MAMDC2: variants seen among roughly 807,000 people sequenced by gnomAD.
MAMDC2 encodes the protein MAM domain-containing protein 2.
In MAMDC2, 57 loss-of-function variants were observed where a neutral mutation model predicts 89.8. The observed-to-expected ratio is 0.63, with a 90% confidence interval of 0.51 to 0.79. The LOEUF is 0.79. MAMDC2 is among the 30% of genes least tolerant of loss of function. The pLI is 0.00. For synonymous variants in MAMDC2, 313 were observed against 293.4 expected (o/e 1.07, Z -0.68); for missense variants, 800 against 820.6 (o/e 0.97, Z 0.31).
intron 11 of MAMDC2, among the ~76,000 whole-genome samples, chr9:70,199,517 G>T (rs1205612824): frequency 6.8e-6 from 1 of 147,794 alleles, no homozygotes; most frequent in African/African-American, 2.5e-5. Flanking sequence ...ACATACGTGT[G>T]CATGTGTCTT....
At chr9:70,093,080 T>A (rs1400723915) in intron 2 of MAMDC2, among the ~76,000 whole-genome samples, 1 of 152,062 alleles carries the variant, frequency 6.6e-6, no homozygotes, top group East Asian at 1.9e-4. Context: ...TGTATATATG[T>A]GTGTGTGTAT....
At chr9:70,190,234 T>G (rs987514427) in intron 11 of MAMDC2, among the ~76,000 whole-genome samples, 2 of 152,202 alleles carry the variant, frequency 1.3e-5, no homozygotes, top group Non-Finnish European at 2.9e-5. Flanking sequence ...ATAGTTTTTT[T>G]GTTATTGCTG....
chr9:70,124,728 A>T (rs920350189), intron 5 of MAMDC2, among the ~76,000 whole-genome samples: 2 of 152,116 alleles, frequency 1.3e-5, no homozygotes, highest in Non-Finnish European at 2.9e-5. Context: ...TTTTTTGGAG[A>T]CAGGGTCTTG....
At chr9:70,194,109 A>T (rs2032933840) in intron 11 of MAMDC2, 1 of 152,130 alleles carries the variant, frequency 6.6e-6, no homozygotes, top group African/African-American at 2.4e-5. Context: ...GATGCAATAA[A>T]CCTTTCCAAA....
intron 2 of MAMDC2, among the ~76,000 whole-genome samples, chr9:70,089,964 G>A (rs568673368): frequency 7.2e-5 from 11 of 152,088 alleles, no homozygotes; most frequent in Non-Finnish European, 1.6e-4. Flanking sequence ...AACTCATTAA[G>A]TTCTGCATTG....
chr9:70,221,380 T>TATATATATAGAGAGAGAGAGAGAG, intron 12 of MAMDC2, among the ~76,000 whole-genome samples: 4 of 7,042 alleles, frequency 5.7e-4, no homozygotes, highest in African/African-American at 8.7e-4. Flanking sequence ...TATATATATA[T>TATATATATAGAGAGAGAGAGAGAG]AGAGAGAGAG....
Position 70,170,817 on chromosome 9 carries a change from A to G in MAMDC2, c.1651+186A>G, listed in dbSNP as rs1392600658. The G allele has an allele frequency of 5.7e-6, 3 of 527,694 alleles. No homozygotes were observed. In the African/African-American group the frequency reaches 5.9e-5, roughly 10 times the overall value. 32.7% of individuals were successfully genotyped at this position (527,694 alleles called of 1,614,324 possible). On this transcript the variant is annotated intron_variant, in intron 11 of 13. Coordinates refer to ENST00000377182, the MANE Select transcript of MAMDC2 (RefSeq NM_153267.5). The stretch of plus-strand genomic sequence containing the variant: ...ATATCTCATCCTTTCTGTTTATTAC[A>G]TTGCTTATGTACATTGCTGCAGCAA...
chr9:70,119,698 T>C (rs761354472), intron 5 of MAMDC2, among the ~76,000 whole-genome samples: 3 of 152,204 alleles, frequency 2.0e-5, no homozygotes, highest in Non-Finnish European at 4.4e-5. Context: ...ACAACAGCAG[T>C]AGAGAGAAAG....
rs958719815 is a variant in MAMDC2 at position 70,202,385 on chromosome 9, G to C, written c.1652-15952G>C. On this transcript the variant is annotated intron_variant, in intron 11 of 13. Transcript: ENST00000377182. ...GGCTTTGAGTGGGATTCTTAATCCT[G>C]AGTTCTAGTTTGATTGCACTGTGGT... Among the ~76,000 whole-genome samples, 603 of 152,200 alleles carry C rather than the reference G, an allele frequency of 4.0e-3. 3 individuals carry two copies. The highest frequency in any genetic ancestry group is 0.013 in the African/African-American group (553 of 41,514).
At chr9:70,043,786 C>T (rs568809594), upstream of MAMDC2, 33 of 202,810 alleles carry the variant, frequency 1.6e-4, 1 homozygote, top group South Asian at 3.6e-3. Context: ...CCTGCCCCTT[C>T]CAAGTGTCTG....
intron 5 of MAMDC2, among the ~76,000 whole-genome samples, chr9:70,121,964 T>C (rs1587490051): frequency 6.6e-6 from 1 of 152,334 alleles, no homozygotes; most frequent in East Asian, 1.9e-4. Context: ...TCAGCCTGGT[T>C]TGGCTGTCAT....
intron 12 of MAMDC2, among the ~76,000 whole-genome samples, chr9:70,221,382 G>T (rs12001380): frequency 0.047 from 710 of 15,236 alleles, 41 homozygotes; most frequent in Non-Finnish European, 0.062. Flanking sequence ...TATATATATA[G>T]AGAGAGAGAG....
intron 11 of MAMDC2, among the ~76,000 whole-genome samples, chr9:70,210,335 T>C (rs536149723): frequency 2.8e-4 from 42 of 152,334 alleles, no homozygotes; most frequent in Non-Finnish European, 5.1e-4. Context: ...TGGGTGCATA[T>C]ATATTTAGGA....
Position 70,140,211 on chromosome 9 carries a change from A to G in MAMDC2, c.1061A>G (p.Asp354Gly). 1 of 1,597,898 alleles carries G rather than the reference A, an allele frequency of 6.3e-7. No homozygotes were observed. Among genetic ancestry groups the G allele is most frequent in the Non-Finnish European group, 8.5e-7 (1 of 1,174,948 alleles). ...CAAGATCTCTGCAACTTTTACCAAG[A>G]TAAAGAAGGTCCAGGTTGGACCCGA... ...FEQDLCNFYQ[D>G]KEGPGWTRVK... The change falls in exon 8 of 14, where the codon GAT becomes GGT. Residue 354 changes from aspartate to glycine, a missense_variant. Physicochemically the swap from Asp to Gly is moderately conservative, Grantham distance 94. Transcript: ENST00000377182.
chr9:70,117,559 A>T (rs2030065711), intron 5 of MAMDC2, among the ~76,000 whole-genome samples: 1 of 152,186 alleles, frequency 6.6e-6, no homozygotes, highest in Admixed American at 6.5e-5. Flanking sequence ...ATATCTATGT[A>T]ACAAACCTGC....
At chr9:70,167,542 T>G (rs1563983658) in intron 9 of MAMDC2, among the ~76,000 whole-genome samples, 1 of 152,302 alleles carries the variant, frequency 6.6e-6, no homozygotes, top group Non-Finnish European at 1.5e-5. Context: ...GATTTGTAAT[T>G]GAGGGATTCA....
At chr9:70,156,497 G>A (rs1414864895) in intron 9 of MAMDC2, among the ~76,000 whole-genome samples, 1 of 152,170 alleles carries the variant, frequency 6.6e-6, no homozygotes, top group Non-Finnish European at 1.5e-5. Context: ...CATGATGTCT[G>A]GGAACACTGG....
intron 5 of MAMDC2, among the ~76,000 whole-genome samples, chr9:70,114,709 G>A (rs189824592): frequency 6.6e-6 from 1 of 152,234 alleles, no homozygotes; most frequent in Admixed American, 6.5e-5. Flanking sequence ...CAGTTAAAAT[G>A]ACAGATCCTC....
chr9:70,198,466 A>C (rs1203115037), intron 11 of MAMDC2, among the ~76,000 whole-genome samples: 1 of 152,058 alleles, frequency 6.6e-6, no homozygotes, highest in Non-Finnish European at 1.5e-5. Context: ...TGGAGTTTAC[A>C]GGGATTTTGC....
Sources: gnomAD v4.1 joint callset for allele counts (sites outside exome capture counted in the v4.1 genomes callset) on GRCh38, gnomAD v4.1.1 for gene constraint, MANE v1.5 for transcripts, NCBI Gene and HGNC (gene_info 2026-07-23, HGNC 2026-07-21) for gene names.